Variants in HNF4G observed in about 807,000 individuals in gnomAD.
The protein encoded by HNF4G is hepatocyte nuclear factor 4-gamma.
In HNF4G, 21 loss-of-function variants were observed where a neutral mutation model predicts 50.9. That is an observed-to-expected ratio of 0.41 (90% CI 0.29 to 0.59). The LOEUF (loss-of-function observed/expected upper bound fraction) is 0.59, where lower values mean the gene tolerates loss of function less well. HNF4G is among the 20% of genes least tolerant of loss of function. The pLI is 0.26. For synonymous variants in HNF4G, 198 were observed against 185.6 expected (o/e 1.07, Z -0.54); for missense variants, 527 against 559.4 (o/e 0.94, Z 0.58).
chr8:75,518,162 C>T (rs1294720215), intron 2 of HNF4G, among the ~76,000 whole-genome samples: 10 of 134,160 alleles, frequency 7.5e-5, no homozygotes, highest in East Asian at 2.4e-4. Context: ...CAACAGTCCC[C>T]GGTGTGTGAT....
intron 1 of HNF4G, among the ~76,000 whole-genome samples, chr8:75,441,074 C>T (rs1207305531): frequency 1.3e-5 from 2 of 152,056 alleles, no homozygotes; most frequent in Non-Finnish European, 2.9e-5. Flanking sequence ...GGCTTATACA[C>T]TTTTAGATTG....
intron 8 of HNF4G, among the ~76,000 whole-genome samples, 186 bp downstream of exon 8, chr8:75,559,223 CAG>C (rs1215873221): frequency 6.6e-6 from 1 of 151,394 alleles, no homozygotes; most frequent in African/African-American, 2.4e-5. Context: ...CAAGACCCAT[CAG>C]AGAGACAAAA....
chr8:75,529,222 C>T (rs937754599), intron 2 of HNF4G, among the ~76,000 whole-genome samples: 2 of 151,848 alleles, frequency 1.3e-5, no homozygotes, highest in African/African-American at 4.8e-5. Flanking sequence ...ACCCGGCAGG[C>T]GGAGCTTGCA....
chr8:75,477,335 A>C (rs1195774154), intron 1 of HNF4G, among the ~76,000 whole-genome samples: 1 of 152,200 alleles, frequency 6.6e-6, no homozygotes, highest in Non-Finnish European at 1.5e-5. Context: ...TTAGAATCAC[A>C]CTATGGGGAA....
chr8:75,429,709 G>T (rs1025547192), intron 1 of HNF4G, among the ~76,000 whole-genome samples: 1 of 152,134 alleles, frequency 6.6e-6, no homozygotes, highest in African/African-American at 2.4e-5. Context: ...AAAGCAGAAA[G>T]GCCGATCAGG....
chr8:75,515,919 C>T (rs1805875450), intron 2 of HNF4G, among the ~76,000 whole-genome samples: 1 of 152,154 alleles, frequency 6.6e-6, no homozygotes, highest in African/African-American at 2.4e-5. Context: ...GCATGCGCCC[C>T]CATGCCCAGC....
chr8:75,534,999 G>T (rs1806423018), upstream of HNF4G, among the ~76,000 whole-genome samples: 1 of 151,692 alleles, frequency 6.6e-6, no homozygotes, highest in Admixed American at 6.6e-5. Flanking sequence ...AATAACTTCG[G>T]TTTAAATGTG....
intron 1 of HNF4G, among the ~76,000 whole-genome samples, chr8:75,445,532 G>A (rs1374798131): frequency 6.7e-5 from 2 of 29,992 alleles, no homozygotes; most frequent in Non-Finnish European, 1.2e-4. Context: ...TAGACCGCTA[G>A]CAAGACTAAT....
chr8:75,494,063 T>A (rs2130689291), intron 2 of HNF4G, among the ~76,000 whole-genome samples: 1 of 152,302 alleles, frequency 6.6e-6, no homozygotes, highest in East Asian at 1.9e-4. Context: ...GAAAGCTGAA[T>A]GATTATAAAC....
At chr8:75,487,176 A>G (rs1812518248) in intron 1 of HNF4G, among the ~76,000 whole-genome samples, 2 of 152,194 alleles carry the variant, frequency 1.3e-5, no homozygotes, top group African/African-American at 4.8e-5. Context: ...TTACCTTGGG[A>G]CAGGCTCCTT....
intron 1 of HNF4G, among the ~76,000 whole-genome samples, chr8:75,433,913 C>G (rs1229508832): frequency 6.6e-6 from 1 of 151,568 alleles, no homozygotes; most frequent in African/African-American, 2.4e-5. Flanking sequence ...TTGACTTTAG[C>G]ACAGTTAAGA....
intron 1 of HNF4G, among the ~76,000 whole-genome samples, chr8:75,489,099 G>A (rs1317216018): frequency 6.6e-6 from 1 of 152,106 alleles, no homozygotes; most frequent in Non-Finnish European, 1.5e-5. Context: ...AGCCACAATA[G>A]CATCTCATAT....
At chr8:75,546,436 G>T (rs1403200893) in intron 2 of HNF4G, among the ~76,000 whole-genome samples, 2 of 151,934 alleles carry the variant, frequency 1.3e-5, no homozygotes, top group Non-Finnish European at 2.9e-5. Flanking sequence ...CCACAGAGTG[G>T]TGCAACAATC....
chr8:75,472,878 T>A (rs2130636781), intron 1 of HNF4G, among the ~76,000 whole-genome samples: 1 of 152,252 alleles, frequency 6.6e-6, no homozygotes, highest in African/African-American at 2.4e-5. Flanking sequence ...ATTAAATAAA[T>A]GAATGGCTAA....
At chr8:75,475,151 T>A (rs1312797455) in intron 1 of HNF4G, among the ~76,000 whole-genome samples, 2 of 151,622 alleles carry the variant, frequency 1.3e-5, no homozygotes, top group African/African-American at 4.8e-5. Flanking sequence ...CTGAGACTAC[T>A]GGTACATGCC....
chr8:75,539,019 A>T (rs1053801460), upstream of HNF4G, among the ~76,000 whole-genome samples: 4 of 152,224 alleles, frequency 2.6e-5, no homozygotes, highest in Non-Finnish European at 5.9e-5. Context: ...TATTTTCAGA[A>T]GTAAAATATA....
chr8:75,528,593 C>A (rs1806242958), intron 2 of HNF4G, among the ~76,000 whole-genome samples: 1 of 152,120 alleles, frequency 6.6e-6, no homozygotes, highest in African/African-American at 2.4e-5. Context: ...TCATTTAATT[C>A]TAAGCTGTAA....
intron 2 of HNF4G, among the ~76,000 whole-genome samples, chr8:75,505,527 A>C (rs994444454): frequency 6.6e-6 from 1 of 152,198 alleles, no homozygotes; most frequent in Admixed American, 6.5e-5. Context: ...GTTTTGAAAC[A>C]ATATTCACTC....
At chr8:75,442,086 A>T (rs553980790) in intron 1 of HNF4G, among the ~76,000 whole-genome samples, 1 of 152,316 alleles carries the variant, frequency 6.6e-6, no homozygotes, top group African/African-American at 2.4e-5. Context: ...TTTTATTTAT[A>T]TAAAGATTCA....
Sources: gnomAD v4.1 joint callset for allele counts (sites outside exome capture counted in the v4.1 genomes callset) on GRCh38, gnomAD v4.1.1 for gene constraint, MANE v1.5 for transcripts, NCBI Gene and HGNC (gene_info 2026-07-23, HGNC 2026-07-21) for gene names.